The following ENDOU variants were observed in gnomAD, a reference collection of about 807,000 sequenced individuals.
The protein encoded by ENDOU is uridylate-specific endoribonuclease.
In ENDOU, 49 loss-of-function variants were observed where a neutral mutation model predicts 54.2. The ratio of observed to expected loss-of-function variants is 0.90; its 90% confidence interval spans 0.72 to 1.15. The LOEUF (loss-of-function observed/expected upper bound fraction) is 1.15. Ranked by LOEUF, ENDOU falls within the 50% of genes most tolerant of loss-of-function variation. The pLI, the probability that ENDOU is intolerant of heterozygous loss-of-function variation, is 0.00. For synonymous variants in ENDOU, 172 were observed against 190.5 expected (o/e 0.90, Z 0.80); for missense variants, 458 against 511.4 (o/e 0.90, Z 1.01).
In ENDOU at chr12:47,711,724, A is replaced by C. The variant is rs1373611571; in HGVS notation, c.1024T>G (p.Tyr342Asp). Residue 342 changes from tyrosine (Y) to aspartate (D), a missense_variant, in exon 9 of 10, where the codon TAT becomes GAT. Physicochemically the swap from Tyr to Asp is radical, Grantham distance 160. Transcript: ENST00000422538. ...LAMQFNWDGY[Y>D]KEVGSAFIGS... ...ATGAAAGCAGAGCCCACTTCCTTAT[A>C]GTAGCCGTCCCAGTTGAACTGCATT... The C allele has an allele frequency of 6.2e-7, 1 of 1,614,242 alleles. No homozygotes were observed. Among genetic ancestry groups the C allele is most frequent in the South Asian group, 1.1e-5 (1 of 91,088 alleles).
chr12:47,721,625 G>A (rs896724364), intron 1 of ENDOU, among the ~76,000 whole-genome samples: 2 of 152,318 alleles, frequency 1.3e-5, no homozygotes, highest in South Asian at 2.1e-4. Flanking sequence ...AGGCGGGTGC[G>A]GGTGAGAATT....
intron 5 of ENDOU, 150 bp downstream of exon 5, chr12:47,716,740 T>C (rs1940252004): frequency 1.3e-6 from 1 of 777,678 alleles, no homozygotes. Context: ...ATATCCACAG[T>C]CCCTCAAGAT....
In ENDOU at chr12:47,716,235, C is replaced by T. The variant is rs558140255; in HGVS notation, c.751+65G>A. The T allele has an allele frequency of 3.9e-6, 6 of 1,539,906 alleles. No homozygotes were observed. In the African/African-American group the frequency reaches 8.2e-5, roughly 21 times the overall value. ...TCACCTGCCCTCCTAACCTTCCCCT[C>T]CCCCGCCCACCTGGCTTCGCTCAGA... On this transcript the variant is annotated intron_variant, in intron 6 of 9. Transcript: ENST00000422538.
chr12:47,711,710 G>T lies in ENDOU; in HGVS notation c.1038C>A (p.Gly346=). The change falls in exon 9 of 10, where the codon GGC becomes GGA. Residue 346 remains glycine, a synonymous_variant. Transcript: ENST00000422538. ...FNWDGYYKEV[G]SAFIGSSPEF... ...CAGGGCTGCTGCCGATGAAAGCAGAGCCCACTTCCTTATAGTAGCCGTCCC... is the reference window on the plus strand; with the variant it reads ...CAGGGCTGCTGCCGATGAAAGCAGATCCCACTTCCTTATAGTAGCCGTCCC... 1 of 1,614,208 alleles carries T rather than the reference G, an allele frequency of 6.2e-7. No homozygotes were observed. The highest frequency in any genetic ancestry group is 8.5e-7 in the Non-Finnish European group (1 of 1,180,040).
At chr12:47,713,028 A>AC (rs2136668021) in intron 7 of ENDOU, among the ~76,000 whole-genome samples, 1 of 151,888 alleles carries the variant, frequency 6.6e-6, no homozygotes, top group African/African-American at 2.4e-5. Context: ...TCCTAGATGT[A>AC]CCCCCTTGGG....
chr12:47,713,413 G>T (rs761573546), intron 6 of ENDOU, 25 bp from the exon 7 acceptor site: 10 of 1,565,568 alleles, frequency 6.4e-6, no homozygotes, highest in African/African-American at 1.4e-5. Context: ...AAAGGGTTTT[G>T]GAGAGGGGAG....
chr12:47,724,921 G>C lies in ENDOU; in HGVS notation c.55+438C>G, dbSNP rs368210912. ...CCCACCTCCTAAGGCTCTACCCAAAGTAACATCACACCCTAAACAACCTCA... is the reference window on the plus strand; with the variant it reads ...CCCACCTCCTAAGGCTCTACCCAAACTAACATCACACCCTAAACAACCTCA... On this transcript the variant is annotated intron_variant, in intron 1 of 9. Coordinates refer to ENST00000422538, the MANE Select transcript of ENDOU (RefSeq NM_001172439.2). Among the ~76,000 whole-genome samples, 45 of 152,248 alleles carry C rather than the reference G, an allele frequency of 3.0e-4. No homozygotes were observed. In the South Asian group the frequency reaches 8.9e-3, roughly 30 times the overall value.
chr12:47,715,611 G>A (rs968555104), intron 6 of ENDOU, among the ~76,000 whole-genome samples: 2 of 152,226 alleles, frequency 1.3e-5, no homozygotes, highest in East Asian at 1.9e-4. Flanking sequence ...CAGGGACAAC[G>A]AGGGAAGACC....
intron 9 of ENDOU, 92 bp downstream of exon 9, chr12:47,711,541 T>G: frequency 2.1e-6 from 3 of 1,413,972 alleles, no homozygotes; most frequent in Non-Finnish European, 2.9e-6. Context: ...CTCAGCCTCT[T>G]TGTGGCAGAG....
intron 1 of ENDOU, among the ~76,000 whole-genome samples, chr12:47,721,458 G>A (rs905485878): frequency 2.0e-5 from 3 of 152,086 alleles, no homozygotes; most frequent in Non-Finnish European, 4.4e-5. Context: ...CTGACCCTCC[G>A]CTGGCTCTTA....
rs1940107798 is a variant in ENDOU, at chr12:47,713,362, C to T, written c.778G>A (p.Val260Ile). ...AACCACATGTTCTTCAAGTCATCGA[C>T]AAACTCTTGCTCTGAGCCATAGCGA... ...QNRYGSEQEF[V>I]DDLKNMWFGL... Residue 260 changes from valine to isoleucine, a missense_variant, in exon 7 of 10, where the codon GTC (valine) becomes ATC (isoleucine). Physicochemically the swap from Val to Ile is conservative, Grantham distance 29. Transcript: ENST00000422538. The T allele has an allele frequency of 6.2e-7, 1 of 1,613,972 alleles. No individual in the cohort carries two copies. The highest frequency in any genetic ancestry group is 8.5e-7 in the Non-Finnish European group (1 of 1,179,976).
chr12:47,711,612 C>G (rs769503781), intron 9 of ENDOU, 21 bp downstream of exon 9: 123 of 1,609,534 alleles, frequency 7.6e-5, no homozygotes, highest in Non-Finnish European at 1.0e-4. Flanking sequence ...TGCCCCCAGG[C>G]CTGGCTGGCC....
chr12:47,711,390 C>T (rs561939386), intron 9 of ENDOU, among the ~76,000 whole-genome samples: 1 of 152,252 alleles, frequency 6.6e-6, no homozygotes, highest in South Asian at 2.1e-4. Context: ...TATTAAGGTC[C>T]TGCGTAAGAT....
intron 7 of ENDOU, 63 bp from the exon 8 acceptor site, chr12:47,712,685 TTTCTCCACCCCATGCCAAGGCTTCCCCC>T: frequency 8.6e-7 from 1 of 1,166,998 alleles, no homozygotes; most frequent in Non-Finnish European, 1.2e-6. Context: ...TCCAATCCCC[TTTCTCCACCCCATGCCAAGGCTTCCCCC>T]TTCTCCAGTC....
At position 47,717,660 on chromosome 12, in the gene ENDOU, GAA is replaced by G; in HGVS notation, c.245-7_245-6del. The G allele has an allele frequency of 6.2e-7, 1 of 1,613,846 alleles. No homozygotes were observed. The highest frequency in any genetic ancestry group is 1.1e-5 in the South Asian group (1 of 91,036). On this transcript the variant is annotated splice_region_variant and splice_polypyrimidine_tract_variant and intron_variant, in intron 3 of 9. Transcript: ENST00000422538. ...AGGTGGGTGCCGAGTACAAGTCTGA[GAA>G]GAGAGGGGTGGTGTGTCCCGGGCTG...
chr12:47,713,917 G>T (rs1940134563), intron 6 of ENDOU, among the ~76,000 whole-genome samples: 1 of 152,212 alleles, frequency 6.6e-6, no homozygotes, highest in African/African-American at 2.4e-5. Flanking sequence ...GCTACTCAAA[G>T]AACTAAAAGA....
In ENDOU at chr12:47,711,775, A is replaced by C. The variant is rs764093351; in HGVS notation, c.973T>G (p.Trp325Gly). The C allele has an allele frequency of 6.2e-7, 1 of 1,613,990 alleles. No homozygotes were observed. The highest frequency in any genetic ancestry group is 8.5e-7 in the Non-Finnish European group (1 of 1,180,022). The stretch of plus-strand genomic sequence containing the variant: ...GCCAGCACATCGGGGTAAGAATCCC[A>C]CTGTGGAGGGAAGGGCAGAAAAGGG... ...DYYSHIYDGP[W>G]DSYPDVLAMQ... Residue 325 changes from tryptophan to glycine, a missense_variant and splice_region_variant, in exon 9 of 10, where the codon TGG becomes GGG. Trp to Gly is a radical substitution (Grantham distance 184, BLOSUM62 -2). Coordinates refer to ENST00000422538, the MANE Select transcript of ENDOU (RefSeq NM_001172439.2).
chr12:47,713,333 C>T lies in ENDOU; in HGVS notation c.807G>A (p.Gly269=), dbSNP rs773948164. 1.1e-5 allele frequency: 18 copies of T among 1,613,980 alleles called. No homozygotes were observed. In the Admixed American group the frequency reaches 2.7e-4, roughly 24 times the overall value. The part of the protein sequence containing the change: ...FVDDLKNMWF[G]LYSRGNEEGD... ...CCTCTTCATTGCCTCTTGAATAGAGCCCAAACCACATGTTCTTCAAGTCAT... is the reference window on the plus strand; with the variant it reads ...CCTCTTCATTGCCTCTTGAATAGAGTCCAAACCACATGTTCTTCAAGTCAT... The change falls in exon 7 of 10, where the codon GGG becomes GGA. Residue 269 remains glycine, a synonymous_variant. Transcript: ENST00000422538.
At chr12:47,716,580 G>A in intron 5 of ENDOU, 81 bp from the exon 6 acceptor site, 1 of 1,349,170 alleles carries the variant, frequency 7.4e-7, no homozygotes, top group South Asian at 1.3e-5. Context: ...GACAGGCCAG[G>A]GGCAGACAGG....
Sources: gnomAD v4.1 joint callset for allele counts (sites outside exome capture counted in the v4.1 genomes callset) on GRCh38, gnomAD v4.1.1 for gene constraint, MANE v1.5 for transcripts, NCBI Gene and HGNC (gene_info 2026-07-23, HGNC 2026-07-21) for gene names.